The following CMSS1 variants were observed in gnomAD, a reference collection of about 807,000 sequenced individuals.
CMSS1 encodes the protein cms1 ribosomal small subunit homolog, also known as protein CMSS1.
Under a neutral mutation model 43.5 loss-of-function variants are expected in CMSS1, and 33 were observed. That is an observed-to-expected ratio of 0.76 (90% confidence interval 0.57 to 1.01). The LOEUF is 1.01. CMSS1 is among the 50% of genes least tolerant of loss of function. The pLI, the probability that CMSS1 is intolerant of heterozygous loss-of-function variation, is 0.00. For missense variants in CMSS1, 313 were observed against 326.4 expected, an observed-to-expected ratio of 0.96 and a Z score of 0.32; for synonymous variants, 115 against 117.2, an observed-to-expected ratio of 0.98 and a Z score of 0.12.
At chr3:100,033,028 C>G (rs968311699) in intron 1 of CMSS1, among the ~76,000 whole-genome samples, 2 of 151,568 alleles carry the variant, frequency 1.3e-5, no homozygotes, top group Non-Finnish European at 2.9e-5. Context: ...GTGTGGTTTC[C>G]ACTCTACTGT....
intron 1 of CMSS1, among the ~76,000 whole-genome samples, chr3:100,079,345 G>A (rs2065897872): frequency 6.6e-6 from 1 of 152,174 alleles, no homozygotes; most frequent in African/African-American, 2.4e-5. Flanking sequence ...CAGGATGGAT[G>A]GCAAAGAATT....
At chr3:100,098,754 G>A (rs975612527) in intron 1 of CMSS1, among the ~76,000 whole-genome samples, 3 of 152,180 alleles carry the variant, frequency 2.0e-5, no homozygotes, top group African/African-American at 7.2e-5. Flanking sequence ...AACTCACCAT[G>A]AAAACAAACC....
intron 1 of CMSS1, among the ~76,000 whole-genome samples, chr3:99,946,229 A>G (rs751523878): frequency 6.6e-5 from 10 of 152,226 alleles, no homozygotes; most frequent in Admixed American, 2.0e-4. Flanking sequence ...AGCCCTGGAT[A>G]CTATTGTGAT....
intron 1 of CMSS1, among the ~76,000 whole-genome samples, chr3:100,007,421 T>G (rs964065184): frequency 2.0e-5 from 3 of 152,158 alleles, no homozygotes; most frequent in African/African-American, 7.2e-5. Flanking sequence ...TATCAAATTT[T>G]GGAAACCTTG....
At chr3:100,011,477 G>A in intron 1 of CMSS1, among the ~76,000 whole-genome samples, 1 of 152,252 alleles carries the variant, frequency 6.6e-6, no homozygotes, top group Non-Finnish European at 1.5e-5. Flanking sequence ...CCAAAATGGA[G>A]TTGGACTCCA....
chr3:99,916,261 C>T (rs1430838683), intron 1 of CMSS1, among the ~76,000 whole-genome samples: 2 of 152,068 alleles, frequency 1.3e-5, no homozygotes, highest in Admixed American at 1.3e-4. Flanking sequence ...CTGTCCTTGC[C>T]ACTCCTGATT....
chr3:100,010,612 C>CT (rs71625546), intron 1 of CMSS1, among the ~76,000 whole-genome samples: 27,034 of 141,380 alleles, frequency 0.19, 2,807 homozygotes, highest in South Asian at 0.27. Context: ...GTTTTTCTTT[C>CT]TTTTTTTTTT....
intron 1 of CMSS1, among the ~76,000 whole-genome samples, chr3:99,889,557 A>T (rs938537612): frequency 9.9e-5 from 15 of 151,950 alleles, no homozygotes; most frequent in Non-Finnish European, 2.1e-4. Flanking sequence ...TTTTAGCAGG[A>T]TCATTTTGTC....
intron 1 of CMSS1, among the ~76,000 whole-genome samples, chr3:99,824,129 A>G (rs704579): frequency 0.73 from 111,048 of 151,094 alleles, 41,411 homozygotes; most frequent in African/African-American, 0.87. Flanking sequence ...CACCATGTTG[A>G]CCAGGCTGAT....
chr3:99,903,938 A>C (rs561174138), intron 1 of CMSS1, among the ~76,000 whole-genome samples: 1 of 152,350 alleles, frequency 6.6e-6, no homozygotes, highest in African/African-American at 2.4e-5. Flanking sequence ...TAATAGAAAA[A>C]TATGGCTTCA....
chr3:99,954,690 G>GTGT (rs1287626371), intron 1 of CMSS1, among the ~76,000 whole-genome samples: 1 of 152,074 alleles, frequency 6.6e-6, no homozygotes, highest in Non-Finnish European at 1.5e-5. Flanking sequence ...GCCAAGCATG[G>GTGT]TGGTGCCCAC....
chr3:100,044,377 A>G (rs2065249205), intron 1 of CMSS1, among the ~76,000 whole-genome samples: 1 of 152,092 alleles, frequency 6.6e-6, no homozygotes, highest in African/African-American at 2.4e-5. Flanking sequence ...CACAGGGGTA[A>G]TCTGTCAAGG....
chr3:99,932,765 C>T (rs540212503), intron 1 of CMSS1, among the ~76,000 whole-genome samples: 48 of 152,288 alleles, frequency 3.2e-4, no homozygotes, highest in African/African-American at 1.2e-3. Context: ...GTGGCACACA[C>T]CTGTAATCCC....
At chr3:100,140,231 CCTCA>C (rs2066793937) in intron 1 of CMSS1, among the ~76,000 whole-genome samples, 1 of 151,770 alleles carries the variant, frequency 6.6e-6, no homozygotes, top group Non-Finnish European at 1.5e-5. Context: ...CCATAATCTT[CCTCA>C]CTATCCTTGC....
At chr3:100,155,087 G>A (rs1319912837) in intron 2 of CMSS1, among the ~76,000 whole-genome samples, 2 of 152,120 alleles carry the variant, frequency 1.3e-5, no homozygotes, top group South Asian at 2.1e-4. Flanking sequence ...AGTTTACACG[G>A]GTATTTCTTG....
chr3:100,059,378 G>T (rs759958002), intron 1 of CMSS1, among the ~76,000 whole-genome samples: 1 of 152,160 alleles, frequency 6.6e-6, no homozygotes, highest in Non-Finnish European at 1.5e-5. Context: ...GTCCTTGTCC[G>T]TGGCTTGCTT....
At chr3:99,973,315 T>C (rs1576611662) in intron 1 of CMSS1, among the ~76,000 whole-genome samples, 1 of 152,240 alleles carries the variant, frequency 6.6e-6, no homozygotes, top group Admixed American at 6.5e-5. Flanking sequence ...ATAAGAACAC[T>C]GATTTTCTGT....
intron 1 of CMSS1, among the ~76,000 whole-genome samples, chr3:100,006,473 G>T (rs936216827): frequency 3.2e-4 from 48 of 151,970 alleles, no homozygotes; most frequent in African/African-American, 1.2e-3. Flanking sequence ...CTTTTCATGA[G>T]GTTATCATCT....
In CMSS1 at chr3:99,949,684, A is replaced by G. The variant is rs75618615; in HGVS notation, c.64+131641A>G. On this transcript the variant is annotated intron_variant, in intron 1 of 9. Coordinates refer to ENST00000421999, the MANE Select transcript of CMSS1 (RefSeq NM_032359.4). ...ATAATTTCCTAATCAGAAAGGTACA[A>G]CAACACTTAAAAGGTGATTAGAGTT... Among the ~76,000 whole-genome samples the G allele has an allele frequency of 4.1e-3, 623 of 152,354 alleles. 6 individuals are homozygous for G. The highest frequency in any genetic ancestry group is 7.2e-3 in the Non-Finnish European group (489 of 68,032).
Sources: gnomAD v4.1 joint callset for allele counts (sites outside exome capture counted in the v4.1 genomes callset) on GRCh38, gnomAD v4.1.1 for gene constraint, MANE v1.5 for transcripts, NCBI Gene and HGNC (gene_info 2026-07-23, HGNC 2026-07-21) for gene names.